Variants in FMN1 observed in about 807,000 individuals in gnomAD.
The protein encoded by FMN1 is formin 1.
A neutral mutation model predicts 132.4 loss-of-function variants in FMN1; 110 were observed. That is an observed-to-expected ratio of 0.83 (90% CI 0.71 to 0.97). The LOEUF is 0.97. Ranked by LOEUF, FMN1 falls within the 50% of genes least tolerant of loss-of-function variation. The pLI, the probability that FMN1 is intolerant of heterozygous loss-of-function variation, is 0.00. For synonymous variants in FMN1, 722 were observed against 651.7 expected (o/e 1.11, Z -1.64); for missense variants, 1,792 against 1,705.3 (o/e 1.05, Z -0.90).
intron 16 of FMN1, among the ~76,000 whole-genome samples, chr15:32,861,838 G>C (rs1303240211): frequency 6.6e-6 from 1 of 152,224 alleles, no homozygotes. Context: ...CTTGGGGAAA[G>C]ACGAAGCAAA....
chr15:32,832,990 C>T (rs1311270033), intron 17 of FMN1, among the ~76,000 whole-genome samples: 8 of 152,102 alleles, frequency 5.3e-5, no homozygotes, highest in East Asian at 3.9e-4. Context: ...ACTTTTTTGC[C>T]GCCATTTTGT....
At chr15:32,819,433 G>A (rs2058148702) in intron 17 of FMN1, among the ~76,000 whole-genome samples, 1 of 152,206 alleles carries the variant, frequency 6.6e-6, no homozygotes, top group African/African-American at 2.4e-5. Context: ...TTATGCTGCT[G>A]TTTTTATGGC....
intron 17 of FMN1, 76 bp from the exon 18 acceptor site, chr15:32,804,408 C>A: frequency 1.9e-6 from 1 of 520,314 alleles, no homozygotes; most frequent in Non-Finnish European, 3.2e-6. Flanking sequence ...TTCAATTACA[C>A]CCATTCATTA....
chr15:32,988,049 G>GTTTTTTTTTTTTTTTTTTTTT (rs10573409), intron 7 of FMN1, among the ~76,000 whole-genome samples: 4 of 118,164 alleles, frequency 3.4e-5, no homozygotes, highest in Non-Finnish European at 3.4e-5. Flanking sequence ...TGTCTCTCCA[G>GTTTTTTTTTTTTTTTTTTTTT]TTTTTTTTTT....
intron 7 of FMN1, among the ~76,000 whole-genome samples, chr15:32,975,688 A>G (rs1324332663): frequency 6.6e-6 from 1 of 152,136 alleles, no homozygotes; most frequent in African/African-American, 2.4e-5. Context: ...GTTAGTTTTA[A>G]TAATTCAAAA....
intron 17 of FMN1, among the ~76,000 whole-genome samples, chr15:32,855,174 AAAAAAAAAG>A (rs2059100929): frequency 6.6e-6 from 1 of 150,464 alleles, no homozygotes; most frequent in African/African-American, 2.4e-5. Context: ...AAAAAAAAAA[AAAAAAAAAG>A]AAAAAAGAAA....
intron 7 of FMN1, among the ~76,000 whole-genome samples, chr15:32,997,144 T>A (rs1363313906): frequency 2.6e-5 from 4 of 152,138 alleles, no homozygotes; most frequent in Non-Finnish European, 5.9e-5. Flanking sequence ...TAGAGGCACT[T>A]CCTCAAACTG....
intron 9 of FMN1, among the ~76,000 whole-genome samples, chr15:32,929,010 G>A (rs1360679622): frequency 6.6e-6 from 1 of 152,224 alleles, no homozygotes; most frequent in African/African-American, 2.4e-5. Flanking sequence ...AGACTTAACT[G>A]TGGAAAGGAT....
intron 7 of FMN1, among the ~76,000 whole-genome samples, chr15:32,983,870 C>T (rs1253062681): frequency 1.3e-5 from 2 of 152,180 alleles, no homozygotes; most frequent in African/African-American, 4.8e-5. Context: ...AGCGCTAAGA[C>T]AGGATCAGTA....
intron 9 of FMN1, among the ~76,000 whole-genome samples, chr15:32,929,765 CTT>C (rs34841652): frequency 1.4e-4 from 21 of 145,252 alleles, no homozygotes; most frequent in East Asian, 2.0e-4. Flanking sequence ...ACAAGATTTC[CTT>C]TTTTTTTTTT....
intron 4 of FMN1, among the ~76,000 whole-genome samples, chr15:33,114,941 G>T (rs2039857325): frequency 6.6e-6 from 1 of 152,240 alleles, no homozygotes; most frequent in South Asian, 2.1e-4. Context: ...AAAGTTTAGG[G>T]GTCTGGTGGC....
chr15:33,174,171 A>C (rs1965430964), intron 3 of FMN1, among the ~76,000 whole-genome samples: 1 of 152,156 alleles, frequency 6.6e-6, no homozygotes, highest in Non-Finnish European at 1.5e-5. Flanking sequence ...AGCTCAATGA[A>C]AAATATCATT....
rs73378979 is a variant in FMN1, at chr15:32,783,347, T to C, written c.4131-6428A>G. 1.9e-3 allele frequency among the ~76,000 whole-genome samples: 293 copies of C among 152,204 alleles called. 1 individual carries two copies. The highest frequency in any genetic ancestry group is 6.9e-3 in the African/African-American group (285 of 41,550). On this transcript the variant is annotated intron_variant, in intron 19 of 20. Coordinates refer to ENST00000616417, the MANE Select transcript of FMN1 (RefSeq NM_001277313.2). ...CCTAAGGAGTTATTGGGAGCCCCAGTAAATACCAAGTGCTGCCAAAGACTA... is the reference window on the plus strand; with the variant it reads ...CCTAAGGAGTTATTGGGAGCCCCAGCAAATACCAAGTGCTGCCAAAGACTA...
rs77203069 is a variant in FMN1 at position 32,941,054 on chromosome 15, C to T, written c.3139-14793G>A. On this transcript the variant is annotated intron_variant, in intron 9 of 20. Transcript: ENST00000616417. The stretch of plus-strand genomic sequence containing the variant: ...CCCACAGGTTAGTGCCTTATCCCCA[C>T]GTAACATAAAAAGCAGCCTGCGAAA... Among the ~76,000 whole-genome samples, 1,283 of 152,154 alleles carry T rather than the reference C, an allele frequency of 8.4e-3. 23 individuals carry two copies. Among genetic ancestry groups the T allele is most frequent in the African/African-American group, 0.029 (1,213 of 41,516 alleles).
At chr15:33,155,099 C>G in intron 3 of FMN1, 54 bp from the exon 4 acceptor site, 1 of 566,092 alleles carries the variant, frequency 1.8e-6, no homozygotes, top group Non-Finnish European at 3.1e-6. Flanking sequence ...GCATAAATCA[C>G]ACACCAACAT....
At chr15:32,879,117 T>C (rs997605802) in intron 16 of FMN1, among the ~76,000 whole-genome samples, 1 of 152,230 alleles carries the variant, frequency 6.6e-6, no homozygotes. Context: ...ATTGAATGCT[T>C]TGCATCAAAA....
chr15:32,779,348 T>A (rs999106672), intron 19 of FMN1, among the ~76,000 whole-genome samples: 1 of 152,228 alleles, frequency 6.6e-6, no homozygotes, highest in Non-Finnish European at 1.5e-5. Flanking sequence ...TATTAAAAAT[T>A]CATTAATTCA....
chr15:33,009,267 A>G (rs139854838), intron 6 of FMN1, among the ~76,000 whole-genome samples: 5 of 152,310 alleles, frequency 3.3e-5, no homozygotes, highest in African/African-American at 1.2e-4. Context: ...TTAAAGCAGT[A>G]TACTTCTGGT....
At chr15:32,806,438 T>C (rs1415915852) in intron 17 of FMN1, among the ~76,000 whole-genome samples, 2 of 152,242 alleles carry the variant, frequency 1.3e-5, no homozygotes, top group Non-Finnish European at 2.9e-5. Context: ...GCACATAATG[T>C]GTGCTCAATA....
Sources: allele counts gnomAD v4.1 joint callset (sites outside exome capture counted in the v4.1 genomes callset), GRCh38; gene constraint gnomAD v4.1.1; transcripts MANE v1.5; gene names NCBI Gene and HGNC (gene_info 2026-07-23, HGNC 2026-07-21).